Variants in WNK3 observed in about 807,000 individuals in gnomAD.
WNK3 encodes the protein serine/threonine-protein kinase WNK3.
WNK3 carries 18 observed loss-of-function variants against 116.7 expected under a neutral mutation model. The observed-to-expected ratio is 0.15, with a 90% CI of 0.11 to 0.23. WNK3 has a LOEUF of 0.23. Ranked by LOEUF, WNK3 falls within the 10% of genes least tolerant of loss-of-function variation. The pLI is 1.00. For missense variants in WNK3, 993 were observed against 1,323.8 expected, an observed-to-expected ratio of 0.75 and a Z score of 3.88; for synonymous variants, 404 against 469.4, an observed-to-expected ratio of 0.86 and a Z score of 1.80.
At chrX:54,336,477 G>GA (rs1269458231) in intron 1 of WNK3, among the ~76,000 whole-genome samples, 24 of 110,773 alleles carry the variant, frequency 2.2e-4, no homozygotes, top group Non-Finnish European at 3.0e-4. Context: ...GTTTTTCTGG[G>GA]AAAAAAAATG....
At chrX:54,341,009 A>G (rs1264918281) in intron 1 of WNK3, among the ~76,000 whole-genome samples, 3 of 112,395 alleles carry the variant, frequency 2.7e-5, no homozygotes, top group Non-Finnish European at 5.6e-5. Flanking sequence ...ACAAGTGTTC[A>G]TAGCAGCACT....
chrX:54,227,880 TTTTATTTTA>T (rs1208262648), intron 22 of WNK3, among the ~76,000 whole-genome samples: 6 of 112,085 alleles, frequency 5.4e-5, no homozygotes, highest in African/African-American at 1.9e-4. Context: ...GCAAATCTTA[TTTTATTTTA>T]TTTATTTTAT....
At chrX:54,266,701 C>T (rs1259663916) in intron 10 of WNK3, among the ~76,000 whole-genome samples, 2 of 109,005 alleles carry the variant, frequency 1.8e-5, no homozygotes, top group East Asian at 5.8e-4. Context: ...CCATGCCCAG[C>T]TAACTTTTAA....
At chrX:54,304,325 T>C (rs2068799633) in intron 5 of WNK3, among the ~76,000 whole-genome samples, 2 of 109,700 alleles carry the variant, frequency 1.8e-5, no homozygotes, top group African/African-American at 6.6e-5. Flanking sequence ...AGCCCAGTAG[T>C]TCAAGACCAG....
intron 11 of WNK3, among the ~76,000 whole-genome samples, chrX:54,257,213 C>G (rs915223455): frequency 1.8e-5 from 2 of 110,639 alleles, no homozygotes; most frequent in African/African-American, 6.6e-5. Flanking sequence ...ATCCCCAACC[C>G]AGCAACAGAA....
intron 12 of WNK3, among the ~76,000 whole-genome samples, chrX:54,254,697 T>A (rs1557155098): frequency 9.0e-6 from 1 of 111,246 alleles, no homozygotes; most frequent in Non-Finnish European, 1.9e-5. Context: ...AGAAAGAACA[T>A]AAACCAAGAA....
At chrX:54,286,721 T>C (rs1320056092) in intron 10 of WNK3, among the ~76,000 whole-genome samples, 2 of 109,906 alleles carry the variant, frequency 1.8e-5, no homozygotes, top group Non-Finnish European at 3.8e-5. Flanking sequence ...GAGACCAGCC[T>C]GGGCAACATG....
rs946996320 is a variant in WNK3 at position 54,269,563 on chromosome X, C to T, written c.2038-10225G>A. Among the ~76,000 whole-genome samples the T allele has an allele frequency of 2.3e-4, 26 of 111,415 alleles. 1 individual carries two copies. The highest frequency in any genetic ancestry group is 1.8e-3 in the Admixed American group (19 of 10,381). ...ATTCTGTGACCTAACAATCCCATTC[C>T]TAAGTATATACACAAGAGAAATGAG... On this transcript the variant is annotated intron_variant, in intron 10 of 23. Coordinates refer to ENST00000354646, the Ensembl canonical transcript of WNK3.
chrX:54,333,782 T>C, exon 2 of WNK3: 1 of 539,967 alleles, frequency 1.9e-6, no homozygotes, highest in Non-Finnish European at 2.9e-6. Flanking sequence ...GTCATGTATT[T>C]CCATAGCAAC....
chrX:54,207,967 G>C (rs2067573064), intron 22 of WNK3, among the ~76,000 whole-genome samples: 1 of 110,943 alleles, frequency 9.0e-6, no homozygotes, highest in African/African-American at 3.3e-5. Flanking sequence ...CCAAGGCTTT[G>C]AAGTCAGACA....
intron 19 of WNK3, 152 bp from the exon 20 acceptor site, chrX:54,237,703 G>A: frequency 2.2e-6 from 1 of 450,141 alleles, no homozygotes; most frequent in Non-Finnish European, 3.4e-6. Flanking sequence ...AAAGAGAGTG[G>A]GCATCATATT....
At chrX:54,349,210 C>T (rs1351050727) in intron 1 of WNK3, among the ~76,000 whole-genome samples, 1 of 111,271 alleles carries the variant, frequency 9.0e-6, no homozygotes, top group African/African-American at 3.3e-5. Flanking sequence ...TGGTGGCGCA[C>T]GCCTGCAGTC....
At chrX:54,259,237 C>T (rs1557156186) in intron 11 of WNK3, 37 bp downstream of exon 11, 2 of 1,000,025 alleles carry the variant, frequency 2.0e-6, no homozygotes, top group Non-Finnish European at 1.4e-6. Flanking sequence ...TCAGCATATC[C>T]TCATTGTTCT....
chrX:54,290,266 ACT>A (rs1274687147), intron 10 of WNK3, among the ~76,000 whole-genome samples: 7 of 99,134 alleles, frequency 7.1e-5, no homozygotes, highest in African/African-American at 2.3e-4. Context: ...ACAGAGTGAG[ACT>A]CTGTCTGAAA....
intron 11 of WNK3, among the ~76,000 whole-genome samples, chrX:54,256,220 G>A (rs1714987896): frequency 9.0e-6 from 1 of 111,685 alleles, no homozygotes; most frequent in African/African-American, 3.2e-5. Context: ...GACCTCTGTG[G>A]AGCCTTTTAT....
chrX:54,305,487 T>C (rs2068813514), intron 5 of WNK3, among the ~76,000 whole-genome samples: 1 of 111,719 alleles, frequency 9.0e-6, no homozygotes, highest in African/African-American at 3.2e-5. Context: ...CTTAAGTCTC[T>C]TGTATTCTAT....
chrX:54,298,478 G>T (rs1438432547), intron 6 of WNK3, 84 bp from the exon 7 acceptor site: 9 of 691,964 alleles, frequency 1.3e-5, no homozygotes, highest in Non-Finnish European at 1.9e-5. Context: ...TTGTATAAAA[G>T]CAAAAAACTT....
intron 2 of WNK3, 77 bp from the exon 3 acceptor site, chrX:54,311,368 C>T: frequency 2.5e-6 from 2 of 791,392 alleles, no homozygotes; most frequent in South Asian, 2.4e-5. Context: ...CAACTGAATG[C>T]TTTATTGCAT....
intron 22 of WNK3, among the ~76,000 whole-genome samples, chrX:54,208,572 G>A (rs191890807): frequency 4.5e-5 from 5 of 110,763 alleles, no homozygotes; most frequent in Non-Finnish European, 7.6e-5. Flanking sequence ...ATGGGGTTTC[G>A]ACATATTGCC....
Sources: allele counts gnomAD v4.1 joint callset (sites outside exome capture counted in the v4.1 genomes callset), GRCh38; gene constraint gnomAD v4.1.1; transcripts MANE v1.5; gene names NCBI Gene and HGNC (gene_info 2026-07-23, HGNC 2026-07-21).